AASDH: variants seen among roughly 807,000 people sequenced by gnomAD.
AASDH encodes the protein aminoadipate-semialdehyde dehydrogenase.
A neutral mutation model predicts 102.3 loss-of-function variants in AASDH; 81 were observed. The ratio of observed to expected loss-of-function variants is 0.79; its 90% CI spans 0.66 to 0.95. AASDH has a LOEUF of 0.95. AASDH is among the 40% of genes least tolerant of loss of function. The pLI, the probability that AASDH is intolerant of heterozygous loss-of-function variation, is 0.00. For missense variants in AASDH, 1,203 were observed against 1,266.2 expected, an observed-to-expected ratio of 0.95 and a Z score of 0.76; for synonymous variants, 398 against 454.0, an observed-to-expected ratio of 0.88 and a Z score of 1.57.
chr4:56,343,573 C>G lies in AASDH; in HGVS notation c.2764G>C (p.Ala922Pro), dbSNP rs747194537. 8.1e-6 allele frequency: 13 copies of G among 1,604,598 alleles called. No homozygotes were observed. In the East Asian group the frequency reaches 2.9e-4, roughly 36 times the overall value. ...TATTTTATGCCTACAGGATTTACAG[C>G]CAGTAAAAGTCCTCCCAATGTAGCA... ...YFATLGGLLL[A>P]VNPATGNVIW... The change falls in exon 13 of 15, where the codon GCT becomes CCT. Residue 922 changes from alanine to proline, a missense_variant. Transcript: ENST00000205214.
At chr4:56,366,315 T>G (rs969824400) in intron 5 of AASDH, among the ~76,000 whole-genome samples, 2 of 152,216 alleles carry the variant, frequency 1.3e-5, no homozygotes, top group African/African-American at 4.8e-5. Context: ...GTACCATTCC[T>G]TCTCAAACTA....
chr4:56,368,767 C>T (rs1427507413), intron 5 of AASDH, among the ~76,000 whole-genome samples: 1 of 149,670 alleles, frequency 6.7e-6, no homozygotes, highest in Non-Finnish European at 1.5e-5. Context: ...ATACCTAATG[C>T]TAAATGATGA....
intron 9 of AASDH, 79 bp downstream of exon 9, chr4:56,353,325 T>C (rs1421824859): frequency 3.4e-6 from 4 of 1,181,572 alleles, no homozygotes; most frequent in South Asian, 3.5e-5. Flanking sequence ...AAAATAAAGA[T>C]TTATGTTATC....
intron 11 of AASDH, among the ~76,000 whole-genome samples, chr4:56,345,898 T>C (rs1748276665): frequency 1.3e-5 from 2 of 152,226 alleles, no homozygotes; most frequent in Non-Finnish European, 1.5e-5. Flanking sequence ...ATTTTATAGA[T>C]AACAAAATTG....
intron 10 of AASDH, among the ~76,000 whole-genome samples, chr4:56,350,672 C>G (rs996080929): frequency 1.3e-5 from 2 of 151,886 alleles, no homozygotes; most frequent in Non-Finnish European, 2.9e-5. Flanking sequence ...ATAAAGCCCA[C>G]AAGATACCAA....
Position 56,338,702 on chromosome 4 carries a change from G to GCAAT in AASDH, c.2993_2996dup (p.Cys999Ter), listed in dbSNP as rs1747205380. ...CTTTCATGTTACAACAGTAGATAAA[G>GCAAT]CAATCATGGGAACCAAAAAATATTT... is the stretch of plus-strand genomic sequence containing the variant. On this transcript the variant is annotated stop_gained and frameshift_variant, in exon 15 of 15. Transcript: ENST00000205214. LOFTEE classifies it high-confidence loss of function. The GCAAT allele has an allele frequency of 6.2e-7, 1 of 1,614,156 alleles. No homozygotes were observed. Among genetic ancestry groups the GCAAT allele is most frequent in the East Asian group, 2.2e-5 (1 of 44,880 alleles).
In AASDH at chr4:56,382,253, G is replaced by T. The variant is rs114099888; in HGVS notation, c.351+224C>A. On this transcript the variant is annotated intron_variant, in intron 3 of 14. Transcript: ENST00000205214. ...TTTTTGGTTGTTATGACTGGGAGGT[G>T]CTACTGAGGTCTAGCGAGTGGAGGT... The T allele has an allele frequency of 7.3e-3, 2,904 of 397,308 alleles. 90 individuals carry two copies. Among genetic ancestry groups the T allele is most frequent in the African/African-American group, 0.056 (2,635 of 46,988 alleles). 24.6% of individuals were successfully genotyped at this position (397,308 alleles called of 1,614,324 possible). A position where few individuals can be genotyped will look rare whatever the true frequency, so the allele number is the denominator to read the frequency against.
intron 14 of AASDH, 35 bp downstream of exon 14, chr4:56,342,798 TAA>T: frequency 2.2e-6 from 2 of 902,568 alleles, no homozygotes; most frequent in Non-Finnish European, 2.8e-6. Context: ...TATATATATA[TAA>T]AAATGTATAT....
At chr4:56,363,815 C>A (rs1750640365) in intron 5 of AASDH, among the ~76,000 whole-genome samples, 1 of 152,164 alleles carries the variant, frequency 6.6e-6, no homozygotes, top group African/African-American at 2.4e-5. Context: ...ATCAGAGCTC[C>A]TCTCCTCCTC....
chr4:56,378,601 A>C, intron 3 of AASDH, 137 bp from the exon 4 acceptor site: 2 of 751,232 alleles, frequency 2.7e-6, no homozygotes, highest in East Asian at 2.7e-5. Context: ...AGATACCAAA[A>C]TCTGAAGATG....
rs199993978 is a variant in AASDH at position 56,371,632 on chromosome 4, T to C, written c.680A>G (p.Asp227Gly). The C allele has an allele frequency of 1.0e-5, 16 of 1,603,232 alleles. No individual in the cohort carries two copies. The highest frequency in any genetic ancestry group is 1.3e-5 in the Non-Finnish European group (15 of 1,177,788). The change falls in exon 5 of 15, where the codon GAC becomes GGC. Residue 227 changes from aspartate to glycine, a missense_variant. Transcript: ENST00000205214. Reference sequence around the variant, plus strand: ...AAACAAAACATCTTCTTGTGTGATGTCAAAAAGTACCCTAAGGCAAAACAG... The same window carrying C: ...AAACAAAACATCTTCTTGTGTGATGCCAAAAAGTACCCTAAGGCAAAACAG... ...PNIQHFRVLF[D>G]ITQEDVLFLA...
At chr4:56,368,915 G>T (rs1161591348) in intron 5 of AASDH, among the ~76,000 whole-genome samples, 2 of 135,776 alleles carry the variant, frequency 1.5e-5, no homozygotes, top group Non-Finnish European at 3.2e-5. Context: ...AAAAAAAAAA[G>T]AAAAAGAAAA....
intron 14 of AASDH, among the ~76,000 whole-genome samples, chr4:56,340,975 C>T (rs1422212216): frequency 6.6e-6 from 1 of 152,160 alleles, no homozygotes; most frequent in African/African-American, 2.4e-5. Flanking sequence ...GAGATATCAT[C>T]TTACCAAGTT....
At chr4:56,356,236 G>A in intron 5 of AASDH, 1 of 792,692 alleles carries the variant, frequency 1.3e-6, no homozygotes, top group African/African-American at 1.7e-5. Context: ...TTGAGAAAAG[G>A]CCTAAGAATT....
At chr4:56,361,874 A>C (rs1024977560) in intron 5 of AASDH, among the ~76,000 whole-genome samples, 2 of 152,164 alleles carry the variant, frequency 1.3e-5, no homozygotes, top group African/African-American at 4.8e-5. Flanking sequence ...CAGGAGGCTG[A>C]GGTGGGAGGA....
intron 5 of AASDH, chr4:56,356,859 TC>T: frequency 2.2e-6 from 2 of 929,812 alleles, no homozygotes; most frequent in Non-Finnish European, 3.4e-6. Flanking sequence ...ATGTCCTGGC[TC>T]CCAAGTCTGT....
At chr4:56,358,037 T>A (rs1749821697) in intron 5 of AASDH, among the ~76,000 whole-genome samples, 1 of 152,188 alleles carries the variant, frequency 6.6e-6, no homozygotes, top group South Asian at 2.1e-4. Flanking sequence ...GTTTTCAGTG[T>A]ACAAATCTTG....
At chr4:56,340,094 G>A (rs1292115132) in intron 14 of AASDH, among the ~76,000 whole-genome samples, 15 of 152,238 alleles carry the variant, frequency 9.9e-5, no homozygotes, top group Admixed American at 7.2e-4. Flanking sequence ...GCTTGAACCC[G>A]GGAGGCAGAG....
At chr4:56,350,146 G>T in intron 10 of AASDH, 88 bp from the exon 11 acceptor site, 1 of 1,092,826 alleles carries the variant, frequency 9.2e-7, no homozygotes, top group Non-Finnish European at 1.3e-6. Context: ...AGAGATGAGA[G>T]TACCTACATT....
Sources: gnomAD v4.1 joint callset for allele counts (sites outside exome capture counted in the v4.1 genomes callset) on GRCh38, gnomAD v4.1.1 for gene constraint, MANE v1.5 for transcripts, NCBI Gene and HGNC (gene_info 2026-07-23, HGNC 2026-07-21) for gene names.